The following ZFP1 variants were observed in gnomAD, a reference collection of about 807,000 sequenced individuals.
ZFP1 encodes the protein ZFP1 zinc finger protein, also known as zinc finger protein 1 homolog.
ZFP1 carries 32 observed loss-of-function variants against 38.5 expected under a neutral mutation model. The observed-to-expected ratio is 0.83, with a 90% CI of 0.63 to 1.12. ZFP1 has a LOEUF of 1.12. Ranked by LOEUF, ZFP1 falls within the 50% of genes most tolerant of loss-of-function variation. The pLI, the probability that ZFP1 is intolerant of heterozygous loss-of-function variation, is 0.00. For synonymous variants in ZFP1, 245 were observed against 168.8 expected (o/e 1.45, Z -3.50); for missense variants, 616 against 480.8 (o/e 1.28, Z -2.63).
the ZFP1 span, among the ~76,000 whole-genome samples, chr16:75,125,266 A>AT: frequency 2.6e-5 from 4 of 151,672 alleles, no homozygotes; most frequent in African/African-American, 4.8e-5. Context: ...CTCGAAAAAA[A>AT]TTTTTTTTTA....
chr16:75,133,216 A>G, the ZFP1 span, among the ~76,000 whole-genome samples: 1 of 152,184 alleles, frequency 6.6e-6, no homozygotes, highest in African/African-American at 2.4e-5. Flanking sequence ...ACCTCCGGTG[A>G]TCTGCCCGCT....
chr16:75,166,933 T>A (rs756358635), intron 3 of ZFP1, 37 bp downstream of exon 3: 1 of 1,593,032 alleles, frequency 6.3e-7, no homozygotes. Flanking sequence ...ACCATGTGCC[T>A]AGAGGTATTT....
chr16:75,154,306 G>A (rs1456085115), intron 2 of ZFP1, among the ~76,000 whole-genome samples: 3 of 152,108 alleles, frequency 2.0e-5, no homozygotes, highest in African/African-American at 7.2e-5. Flanking sequence ...ATGTCATGAT[G>A]TGATGTACCA....
chr16:75,168,959 G>A (rs578096569), intron 3 of ZFP1, among the ~76,000 whole-genome samples: 2 of 152,064 alleles, frequency 1.3e-5, no homozygotes, highest in South Asian at 2.1e-4. Flanking sequence ...CTCATATTGT[G>A]TTCTGTTTTC....
intron 2 of ZFP1, among the ~76,000 whole-genome samples, chr16:75,163,147 TCCACCTGCCTCGGCCTC>T (rs2037872497): frequency 6.6e-6 from 1 of 151,974 alleles, no homozygotes; most frequent in Non-Finnish European, 1.5e-5. Flanking sequence ...GACCTCGTGA[TCCACCTGCCTCGGCCTC>T]CCAAAGTGTT....
chr16:75,153,661 C>T (rs2037322460), intron 2 of ZFP1, among the ~76,000 whole-genome samples: 1 of 152,064 alleles, frequency 6.6e-6, no homozygotes, highest in Non-Finnish European at 1.5e-5. Flanking sequence ...TTAATATATG[C>T]ATTAATGTAT....
At chr16:75,125,297 C>A in the ZFP1 span, among the ~76,000 whole-genome samples, 7 of 152,054 alleles carry the variant, frequency 4.6e-5, no homozygotes, top group Non-Finnish European at 8.8e-5. Flanking sequence ...TCACATCCTT[C>A]TATCTGCCTG....
intron 2 of ZFP1, among the ~76,000 whole-genome samples, chr16:75,158,683 A>G (rs1365099680): frequency 3.0e-5 from 4 of 134,916 alleles, no homozygotes; most frequent in Non-Finnish European, 1.6e-5. Context: ...TCATTTTGCT[A>G]TTTATTTTTA....
chr16:75,168,652 C>G (rs985197620), intron 3 of ZFP1, among the ~76,000 whole-genome samples: 4 of 149,772 alleles, frequency 2.7e-5, no homozygotes, highest in Non-Finnish European at 5.9e-5. Flanking sequence ...AAGATTCTCA[C>G]TTAAGAGATT....
chr16:75,127,918 T>C, the ZFP1 span: 2 of 152,270 alleles, frequency 1.3e-5, no homozygotes, highest in African/African-American at 2.4e-5. Flanking sequence ...TTTGTTTCTC[T>C]CTACCTGATT....
intron 1 of ZFP1, among the ~76,000 whole-genome samples, chr16:75,150,704 C>T (rs1340290394): frequency 1.3e-5 from 2 of 152,150 alleles, no homozygotes; most frequent in African/African-American, 4.8e-5. Context: ...GCTTTACAGG[C>T]GTGAGCCACT....
At chr16:75,147,345 T>G (rs1213585728), upstream of ZFP1, among the ~76,000 whole-genome samples, 1 of 152,164 alleles carries the variant, frequency 6.6e-6, no homozygotes, top group Non-Finnish European at 1.5e-5. Context: ...TGGCACAATC[T>G]TGGCTCACTG....
intron 3 of ZFP1, among the ~76,000 whole-genome samples, chr16:75,167,238 G>C (rs1299453304): frequency 6.6e-6 from 1 of 152,170 alleles, no homozygotes; most frequent in Non-Finnish European, 1.5e-5. Flanking sequence ...GAAGCCAGTG[G>C]AATTAGTATC....
the ZFP1 span, among the ~76,000 whole-genome samples, chr16:75,122,948 G>A: frequency 6.6e-6 from 1 of 151,842 alleles, no homozygotes; most frequent in African/African-American, 2.4e-5. Context: ...AATAATCTAG[G>A]TAAGTAATTA....
the ZFP1 span, among the ~76,000 whole-genome samples, chr16:75,132,840 A>C: frequency 6.8e-6 from 1 of 146,048 alleles, no homozygotes; most frequent in Admixed American, 6.8e-5. Context: ...TTTTTTTTTT[A>C]GTAGAGATGA....
At chr16:75,131,444 C>T in the ZFP1 span, among the ~76,000 whole-genome samples, 2 of 152,144 alleles carry the variant, frequency 1.3e-5, no homozygotes, top group Admixed American at 6.5e-5. Context: ...ATTCCTAGCT[C>T]GTTTTCCTCC....
At position 75,169,441 on chromosome 16, in the gene ZFP1, A is replaced by C; in HGVS notation, c.331A>C (p.Lys111Gln). ...ACCTTATAAATATGACTTATATGAA[A>C]AAACTTTGAAATATAATTCAGACTT... is the stretch of plus-strand genomic sequence containing the variant. ...QVPYKYDLYE[K>Q]TLKYNSDLLN... The change falls in exon 4 of 4, where the codon AAA becomes CAA. Residue 111 changes from lysine (K) to glutamine (Q), a missense_variant. Transcript: ENST00000570010. The C allele has an allele frequency of 1.2e-6, 2 of 1,612,830 alleles. No homozygotes were observed. Among genetic ancestry groups the C allele is most frequent in the Admixed American group, 1.7e-5 (1 of 59,620 alleles).
chr16:75,143,505 C>T (rs2036908114), upstream of ZFP1, among the ~76,000 whole-genome samples: 1 of 152,154 alleles, frequency 6.6e-6, no homozygotes, highest in Admixed American at 6.6e-5. Context: ...CTTGGCCCCC[C>T]AAAGTGCTGG....
the ZFP1 span, among the ~76,000 whole-genome samples, chr16:75,139,439 T>G: frequency 6.7e-6 from 1 of 148,372 alleles, no homozygotes; most frequent in Non-Finnish European, 1.5e-5. Context: ...CGCCTATAAT[T>G]TCAGCACTTA....
Sources: allele counts gnomAD v4.1 joint callset (sites outside exome capture counted in the v4.1 genomes callset), GRCh38; gene constraint gnomAD v4.1.1; transcripts MANE v1.5; gene names NCBI Gene and HGNC (gene_info 2026-07-23, HGNC 2026-07-21).